The following GRID2 variants were observed in gnomAD, a reference collection of about 807,000 sequenced individuals.
The protein encoded by GRID2 is glutamate ionotropic receptor delta type subunit 2, also known as glutamate receptor ionotropic, delta-2.
Under a neutral mutation model 114.8 loss-of-function variants are expected in GRID2, and 33 were observed. That is an observed-to-expected ratio of 0.29 (90% CI 0.22 to 0.38). The LOEUF (loss-of-function observed/expected upper bound fraction) is 0.38, where lower values mean the gene tolerates loss of function less well. Ranked by LOEUF, GRID2 falls within the 10% of genes least tolerant of loss-of-function variation. GRID2 has a pLI of 1.00. For missense variants in GRID2, 1,184 were observed against 1,257.7 expected (o/e 0.94, Z 0.89); for synonymous variants, 505 against 449.9 (o/e 1.12, Z -1.55).
At chr4:92,738,187 A>AT (rs1736696266) in intron 2 of GRID2, among the ~76,000 whole-genome samples, 1 of 152,050 alleles carries the variant, frequency 6.6e-6, no homozygotes, top group Non-Finnish European at 1.5e-5. Context: ...GATGGTGAGA[A>AT]TTTTTTCATG....
chr4:93,418,985 A>G (rs1313632374), intron 9 of GRID2, among the ~76,000 whole-genome samples: 1 of 151,608 alleles, frequency 6.6e-6, no homozygotes, highest in Non-Finnish European at 1.5e-5. Flanking sequence ...CTTCTGTAAC[A>G]TATTGTGTGA....
intron 9 of GRID2, among the ~76,000 whole-genome samples, chr4:93,410,717 G>A (rs1767035330): frequency 6.6e-6 from 1 of 152,218 alleles, no homozygotes; most frequent in Non-Finnish European, 1.5e-5. Context: ...CCAAGTAGCT[G>A]GGATTACAGG....
At chr4:92,448,808 C>T (rs1248118588) in intron 1 of GRID2, among the ~76,000 whole-genome samples, 3 of 151,904 alleles carry the variant, frequency 2.0e-5, no homozygotes, top group Non-Finnish European at 2.9e-5. Context: ...TTTATTAAAA[C>T]ATTTTAATTA....
chr4:92,462,051 G>A (rs918989792), intron 1 of GRID2, among the ~76,000 whole-genome samples: 2 of 152,056 alleles, frequency 1.3e-5, no homozygotes, highest in Non-Finnish European at 2.9e-5. Flanking sequence ...TATTCAAATA[G>A]TAATAGGTAT....
chr4:93,465,068 G>A (rs2149425829), intron 11 of GRID2, among the ~76,000 whole-genome samples: 1 of 152,264 alleles, frequency 6.6e-6, no homozygotes, highest in South Asian at 2.1e-4. Context: ...TGTTTTCATG[G>A]AGCTTAGAAT....
intron 1 of GRID2, among the ~76,000 whole-genome samples, chr4:92,528,733 TGAAG>T (rs1725163565): frequency 6.8e-6 from 1 of 147,000 alleles, no homozygotes; most frequent in Non-Finnish European, 1.5e-5. Context: ...AGACTGTAAA[TGAAG>T]GAAGGGGTCG....
rs190979552 is a variant in GRID2 at position 92,749,724 on chromosome 4, G to A, written c.244+159438G>A. On this transcript the variant is annotated intron_variant, in intron 2 of 15. Coordinates refer to ENST00000282020, the MANE Select transcript of GRID2 (RefSeq NM_001510.4). ...TTTTAAGGAAAACCAGAGGAGAGAA[G>A]ATGGATAATGCTGAAGAGGGGTTGT... Among the ~76,000 whole-genome samples, 6 of 152,264 alleles carry A rather than the reference G, an allele frequency of 3.9e-5. No individual in the cohort carries two copies. In the East Asian group the frequency reaches 9.7e-4, roughly 25 times the overall value.
intron 4 of GRID2, among the ~76,000 whole-genome samples, chr4:93,185,383 A>G (rs1002015978): frequency 1.3e-5 from 2 of 152,200 alleles, no homozygotes; most frequent in Admixed American, 6.5e-5. Flanking sequence ...AGAAGATAAT[A>G]AAATCAGCAA....
At chr4:93,035,275 C>T (rs554001844) in intron 2 of GRID2, among the ~76,000 whole-genome samples, 1 of 151,872 alleles carries the variant, frequency 6.6e-6, no homozygotes, top group Non-Finnish European at 1.5e-5. Context: ...GCATGCCTGG[C>T]TAATTTTTCG....
intron 13 of GRID2, among the ~76,000 whole-genome samples, chr4:93,589,305 G>T (rs976081280): frequency 5.3e-5 from 8 of 149,776 alleles, no homozygotes; most frequent in Admixed American, 3.4e-4. Flanking sequence ...TGTGGTGTTT[G>T]GTTTTTTTGT....
chr4:93,132,687 A>G (rs939236370), intron 4 of GRID2, among the ~76,000 whole-genome samples: 22 of 152,194 alleles, frequency 1.4e-4, no homozygotes, highest in African/African-American at 5.3e-4. Context: ...ATGTAATTCT[A>G]ATTGGCAAAG....
At chr4:92,662,274 G>A (rs1215396720) in intron 2 of GRID2, among the ~76,000 whole-genome samples, 3 of 150,780 alleles carry the variant, frequency 2.0e-5, no homozygotes, top group Non-Finnish European at 4.5e-5. Context: ...TGCTATTAAC[G>A]GGCCTCTAAG....
intron 13 of GRID2, among the ~76,000 whole-genome samples, chr4:93,615,654 A>G: frequency 6.6e-6 from 1 of 150,908 alleles, no homozygotes; most frequent in South Asian, 2.1e-4. Context: ...AAAAAAAAAA[A>G]GGAAATTGAG....
chr4:93,597,031 A>G (rs576761302), intron 13 of GRID2, among the ~76,000 whole-genome samples: 21 of 152,348 alleles, frequency 1.4e-4, no homozygotes, highest in Middle Eastern at 3.4e-3. Context: ...AAAGAAAATT[A>G]TCAGTAGACA....
chr4:92,707,569 C>T (rs1211680049), intron 2 of GRID2, among the ~76,000 whole-genome samples: 1 of 152,028 alleles, frequency 6.6e-6, no homozygotes, highest in Non-Finnish European at 1.5e-5. Flanking sequence ...AATGCTAATG[C>T]AATGTTAACG....
chr4:92,582,257 T>C (rs1728219145), intron 1 of GRID2, among the ~76,000 whole-genome samples: 1 of 151,908 alleles, frequency 6.6e-6, no homozygotes, highest in African/African-American at 2.4e-5. Flanking sequence ...GTCACTAAAG[T>C]AAGCAACAAC....
At chr4:93,120,073 G>C (rs1316362255) in intron 4 of GRID2, among the ~76,000 whole-genome samples, 1 of 152,134 alleles carries the variant, frequency 6.6e-6, no homozygotes, top group Non-Finnish European at 1.5e-5. Flanking sequence ...TTAGAATGGC[G>C]ATCATTAAAA....
chr4:93,016,688 C>G (rs1425023230), intron 2 of GRID2, among the ~76,000 whole-genome samples: 3 of 151,818 alleles, frequency 2.0e-5, no homozygotes, highest in Non-Finnish European at 4.4e-5. Flanking sequence ...CAGCAAGAAA[C>G]AAAATAGAAG....
At chr4:92,802,155 G>A (rs181488401) in intron 2 of GRID2, among the ~76,000 whole-genome samples, 1 of 151,752 alleles carries the variant, frequency 6.6e-6, no homozygotes, top group Non-Finnish European at 1.5e-5. Flanking sequence ...GAAGTTTTAG[G>A]CTCATAGCAA....
Sources: allele counts gnomAD v4.1 joint callset (sites outside exome capture counted in the v4.1 genomes callset), GRCh38; gene constraint gnomAD v4.1.1; transcripts MANE v1.5; gene names NCBI Gene and HGNC (gene_info 2026-07-23, HGNC 2026-07-21).